Variants in STARD4 observed in about 807,000 individuals in gnomAD.
The protein encoded by STARD4 is stAR-related lipid transfer protein 4.
Under a neutral mutation model 24.9 loss-of-function variants are expected in STARD4, and 33 were observed. The observed-to-expected ratio is 1.32, with a 90% CI of 1.00 to 1.77. STARD4 has a LOEUF of 1.77. STARD4 is among the 40% of genes most tolerant of loss of function. The probability of loss-of-function intolerance (pLI) is 0.00; values close to 1 mark genes in which losing one functional copy is unlikely to be tolerated. For missense variants in STARD4, 238 were observed against 249.3 expected (o/e 0.95, Z 0.31); for synonymous variants, 88 against 77.4 (o/e 1.14, Z -0.72).
At position 111,497,479 on chromosome 5, in the gene STARD4, C is replaced by G. The variant is rs956547672; in HGVS notation, c.*2407G>C. ...AATGAGCACTTAAAATGTGGCTTGC[C>G]CAAATTTGTAAAATGCATACCAGAT... On this transcript the variant is annotated 3_prime_UTR_variant, in exon 6 of 6. Transcript: ENST00000296632. The G allele has an allele frequency of 2.0e-5, 3 of 151,692 alleles. No homozygotes were observed. The highest frequency in any genetic ancestry group is 4.4e-5 in the Non-Finnish European group (3 of 67,862). 9.4% of individuals were successfully genotyped at this position (151,692 alleles called of 1,614,324 possible). A position where few individuals can be genotyped will look rare whatever the true frequency, so the allele number is the denominator to read the frequency against.
At chr5:111,508,289 G>A (rs1316492021) in intron 1 of STARD4, among the ~76,000 whole-genome samples, 2 of 151,892 alleles carry the variant, frequency 1.3e-5, no homozygotes, top group African/African-American at 2.4e-5. Context: ...ATAGCATAGA[G>A]GTCCTTTTCT....
rs749495737 is a variant in STARD4 at position 111,500,005 on chromosome 5, T to C, written c.499A>G (p.Ser167Gly). The C allele has an allele frequency of 3.7e-6, 6 of 1,614,150 alleles. No individual in the cohort carries two copies. The highest frequency in any genetic ancestry group is 2.2e-5 in the South Asian group (2 of 91,080). The change falls in exon 6 of 6, where the codon AGT (serine) becomes GGT (glycine). Residue 167 changes from serine to glycine, a missense_variant. Transcript: ENST00000296632. The part of the protein sequence containing the change: ...CVPLKDNPNQ[S>G]LLTGYIQTDL... ...GTCTGAATATATCCTGTCAAAAGAC[T>C]CTGGTTTGGGTTGTCTTTAAGTGGA...
At chr5:111,500,807 A>C in intron 5 of STARD4, 195 bp downstream of exon 5, 1 of 1,482,798 alleles carries the variant, frequency 6.7e-7, no homozygotes, top group Non-Finnish European at 8.9e-7. Flanking sequence ...AACTGGGAAC[A>C]AAAACTTATC....
rs926316499 is a variant in STARD4, at chr5:111,512,380, C to T, written c.-10+5G>A. 3.9e-5 allele frequency: 6 copies of T among 152,706 alleles called. No individual in the cohort carries two copies. Among genetic ancestry groups the T allele is most frequent in the Admixed American group, 3.9e-4 (6 of 15,310 alleles). 9.5% of individuals were successfully genotyped at this position (152,706 alleles called of 1,614,324 possible). A position where few individuals can be genotyped will look rare whatever the true frequency, so the allele number is the denominator to read the frequency against. ...ATCCTGCCGCGGCTCCGTGGCTCTC[C>T]TTACCTTTACCTGAGGTGAAGCAAG... On this transcript the variant is annotated splice_donor_5th_base_variant and intron_variant, in intron 1 of 5. Coordinates refer to ENST00000296632, the MANE Select transcript of STARD4 (RefSeq NM_139164.3).
chr5:111,504,413 A>C (rs1756692838), intron 3 of STARD4, among the ~76,000 whole-genome samples: 1 of 152,228 alleles, frequency 6.6e-6, no homozygotes, highest in African/African-American at 2.4e-5. Flanking sequence ...TAAATAAAAT[A>C]TGTACATACA....
intron 5 of STARD4, chr5:111,500,657 C>T: frequency 7.9e-7 from 1 of 1,259,784 alleles, no homozygotes; most frequent in Non-Finnish European, 1.0e-6. Context: ...CTAAGACACA[C>T]CAAATCTAGT....
chr5:111,501,763 C>T (rs920104131), intron 4 of STARD4, among the ~76,000 whole-genome samples, 199 bp downstream of exon 4: 1 of 152,166 alleles, frequency 6.6e-6, no homozygotes, highest in African/African-American at 2.4e-5. Context: ...CTCAGTCTAA[C>T]ACTCATTAAT....
chr5:111,501,934 G>C (rs781411562), intron 4 of STARD4, 28 bp downstream of exon 4: 9 of 1,612,794 alleles, frequency 5.6e-6, no homozygotes, highest in Middle Eastern at 1.7e-4. Flanking sequence ...CATACACACA[G>C]TCTAAAGTAA....
chr5:111,506,268 G>T (rs907771628), intron 3 of STARD4, 62 bp downstream of exon 3: 64 of 705,746 alleles, frequency 9.1e-5, no homozygotes, highest in Non-Finnish European at 1.2e-4. Context: ...ACTACTTAGT[G>T]ACAATGGATA....
In STARD4 at chr5:111,496,142, C is replaced by T. The variant is rs1263605411; in HGVS notation, c.*3744G>A. ...TAGTTTAATAAATATTCTAGTTTTA[C>T]ATATTGGTTCACAAAAGAATTATAT... On this transcript the variant is annotated 3_prime_UTR_variant, in exon 6 of 6. Transcript: ENST00000296632. 2.0e-5 allele frequency: 3 copies of T among 151,924 alleles called. No homozygotes were observed. Among genetic ancestry groups the T allele is most frequent in the South Asian group, 2.1e-4 (1 of 4,818 alleles). 9.4% of individuals were successfully genotyped at this position (151,924 alleles called of 1,614,324 possible).
chr5:111,508,222 A>G (rs1042978201), intron 1 of STARD4, among the ~76,000 whole-genome samples: 12 of 152,118 alleles, frequency 7.9e-5, no homozygotes, highest in Non-Finnish European at 1.3e-4. Flanking sequence ...ATCTGACAAT[A>G]TAATAACTTA....
chr5:111,511,118 A>G (rs969184354), intron 1 of STARD4, among the ~76,000 whole-genome samples: 6 of 152,360 alleles, frequency 3.9e-5, no homozygotes, highest in Admixed American at 6.5e-5. Flanking sequence ...TTTCCAATCA[A>G]TGTTGAACTG....
At chr5:111,511,450 T>C (rs564753817) in intron 1 of STARD4, among the ~76,000 whole-genome samples, 1 of 152,358 alleles carries the variant, frequency 6.6e-6, no homozygotes, top group East Asian at 1.9e-4. Context: ...TGTTTCATTA[T>C]GGTAAAGGAA....
rs1461453275 is a variant in STARD4 at position 111,501,056 on chromosome 5, C to A, written c.343G>T (p.Glu115Ter). ...GQLWNIISPREFVDFSYTVGY... is the reference protein window; with the variant it reads ...GQLWNIISPR The stretch of plus-strand genomic sequence containing the variant: ...ACAGTATAGGAGAAATCAACAAATT[C>A]TCTTGGGGAAATTATATTCCAAAGC... The change falls in exon 5 of 6, where the codon GAA becomes TAA. Residue 115 changes from glutamate to a stop codon, truncating the protein, a stop_gained. Coordinates refer to ENST00000296632, the MANE Select transcript of STARD4 (RefSeq NM_139164.3). LOFTEE classifies it high-confidence loss of function. 2 of 1,612,782 alleles carry A rather than the reference C, an allele frequency of 1.2e-6. No homozygotes were observed. The highest frequency in any genetic ancestry group is 1.7e-6 in the Non-Finnish European group (2 of 1,179,682).
chr5:111,500,663 C>A, intron 5 of STARD4: 1 of 1,283,924 alleles, frequency 7.8e-7, no homozygotes, highest in Non-Finnish European at 9.8e-7. Flanking sequence ...CACACCAAAT[C>A]TAGTACTTCT....
At chr5:111,506,062 C>CT (rs1756830139) in intron 3 of STARD4, among the ~76,000 whole-genome samples, 1 of 151,842 alleles carries the variant, frequency 6.6e-6, no homozygotes, top group African/African-American at 2.4e-5. Context: ...GGCACAGTGG[C>CT]AGGTGCCTGT....
intron 3 of STARD4, among the ~76,000 whole-genome samples, chr5:111,503,670 A>T (rs1377587488): frequency 6.6e-6 from 1 of 152,166 alleles, no homozygotes; most frequent in African/African-American, 2.4e-5. Flanking sequence ...AAACTTTAAA[A>T]TTTTGAGAAA....
Position 111,499,659 on chromosome 5 carries a change from G to A in STARD4, c.*227C>T, listed in dbSNP as rs1231843975. 4 of 521,740 alleles carry A rather than the reference G, an allele frequency of 7.7e-6. No homozygotes were observed. Among genetic ancestry groups the A allele is most frequent in the South Asian group, 2.3e-5 (1 of 44,426 alleles). The allele number at this position is 521,740 out of a possible 1,614,324, so 32.3% of individuals were successfully genotyped here. The stretch of plus-strand genomic sequence containing the variant: ...GATCATACCACTGCCCTCCAGCATG[G>A]GCAACAGAGTGAGAGCCTGTCTCAA... On this transcript the variant is annotated 3_prime_UTR_variant, in exon 6 of 6. Transcript: ENST00000296632.
intron 1 of STARD4, among the ~76,000 whole-genome samples, chr5:111,511,652 C>T (rs987753157): frequency 3.9e-5 from 6 of 152,168 alleles, no homozygotes; most frequent in African/African-American, 1.4e-4. Flanking sequence ...GCCAGAATTC[C>T]AACCCAGGGC....
Sources: gnomAD v4.1 joint callset for allele counts (sites outside exome capture counted in the v4.1 genomes callset) on GRCh38, gnomAD v4.1.1 for gene constraint, MANE v1.5 for transcripts, NCBI Gene and HGNC (gene_info 2026-07-23, HGNC 2026-07-21) for gene names.